The following PCDH7 variants were observed in gnomAD, a reference collection of about 807,000 sequenced individuals.
PCDH7 encodes protocadherin-7.
A neutral mutation model predicts 58.9 loss-of-function variants in PCDH7; 17 were observed. That is an observed-to-expected ratio of 0.29 (90% confidence interval 0.20 to 0.43). The LOEUF (loss-of-function observed/expected upper bound fraction) is 0.43. Among genes scored for constraint, PCDH7 ranks in the 20% least tolerant of loss-of-function variants. The pLI, the probability that PCDH7 is intolerant of heterozygous loss-of-function variation, is 1.00. For synonymous variants in PCDH7, 664 were observed against 616.4 expected, an observed-to-expected ratio of 1.08 and a Z score of -1.14; for missense variants, 1,274 against 1,441.0, an observed-to-expected ratio of 0.88 and a Z score of 1.88.
At chr4:30,843,147 G>A (rs539898407) in intron 1 of PCDH7, among the ~76,000 whole-genome samples, 6 of 150,650 alleles carry the variant, frequency 4.0e-5, no homozygotes, top group African/African-American at 7.3e-5. Context: ...TTATTTCTAC[G>A]AATCTTTTTT....
chr4:31,134,153 A>T (rs562524410), intron 3 of PCDH7, among the ~76,000 whole-genome samples: 2 of 152,250 alleles, frequency 1.3e-5, no homozygotes, highest in Non-Finnish European at 2.9e-5. Context: ...ATTATCCATG[A>T]TGAGGAGATA....
intron 1 of PCDH7, chr4:30,725,248 T>C: frequency 1.0e-6 from 1 of 993,146 alleles, no homozygotes; most frequent in Non-Finnish European, 1.2e-6. Flanking sequence ...ACAATTAGTG[T>C]TCTATAATGA....
At chr4:30,818,692 AAT>A (rs1727992003) in intron 1 of PCDH7, among the ~76,000 whole-genome samples, 1 of 152,194 alleles carries the variant, frequency 6.6e-6, no homozygotes. Context: ...CTGTTTTTCC[AAT>A]ATATGCAGCT....
chr4:30,798,640 T>A (rs2109304499), intron 1 of PCDH7, among the ~76,000 whole-genome samples: 1 of 152,312 alleles, frequency 6.6e-6, no homozygotes, highest in East Asian at 1.9e-4. Flanking sequence ...TATAAATTTT[T>A]AAAAATTACT....
chr4:30,723,277 C>T lies in PCDH7; in HGVS notation c.1855C>T (p.Leu619=), dbSNP rs1319395848. The T allele has an allele frequency of 1.2e-6, 2 of 1,614,080 alleles. No individual in the cohort carries two copies. The highest frequency in any genetic ancestry group is 8.5e-7 in the Non-Finnish European group (1 of 1,180,052). Residue 619 remains leucine (L), a synonymous_variant, in exon 1 of 2, where the codon CTG becomes TTG. Coordinates refer to ENST00000361762, the Ensembl canonical transcript of PCDH7. The surrounding 1 kb of genome is among the most constrained non-coding windows in gnomAD (Gnocchi z 4.6). ...CGCCAAAGACAAAGGCATCCCCGTGCTGCAGGGCAGCACTACGGTGATTGT... is the reference window on the plus strand; with the variant it reads ...CGCCAAAGACAAAGGCATCCCCGTGTTGCAGGGCAGCACTACGGTGATTGT...
chr4:30,836,951 G>A (rs1229133082), intron 1 of PCDH7, among the ~76,000 whole-genome samples: 2 of 152,108 alleles, frequency 1.3e-5, no homozygotes, highest in Non-Finnish European at 2.9e-5. Flanking sequence ...CAGCACAGTA[G>A]GACAGTTGAG....
rs150397668 is a variant in PCDH7 at position 30,994,105 on chromosome 4, T to A, written c.*7+43890T>A. 4.5e-3 allele frequency among the ~76,000 whole-genome samples: 683 copies of A among 152,274 alleles called. 5 individuals carry two copies. Among genetic ancestry groups the A allele is most frequent in the Non-Finnish European group, 4.1e-3 (281 of 68,014 alleles). Reference sequence around the variant, plus strand: ...GTGGGCATCCTACTAACTGCTTAGGTTGGAATAAAAACCTTCAGAAACATT... The same window carrying A: ...GTGGGCATCCTACTAACTGCTTAGGATGGAATAAAAACCTTCAGAAACATT... On this transcript the variant is annotated intron_variant, in intron 3 of 3. Coordinates refer to the PCDH7 transcript ENST00000509759.
chr4:30,934,823 A>C (rs1269808064), intron 2 of PCDH7, among the ~76,000 whole-genome samples: 1 of 152,106 alleles, frequency 6.6e-6, no homozygotes, highest in Non-Finnish European at 1.5e-5. Flanking sequence ...TAACATGTAC[A>C]TTTGCAAAGA....
chr4:31,031,576 T>C (rs1754920066), intron 3 of PCDH7, among the ~76,000 whole-genome samples: 1 of 152,212 alleles, frequency 6.6e-6, no homozygotes, highest in Non-Finnish European at 1.5e-5. Context: ...GATTAAAGAA[T>C]TGTATTTTCT....
intron 1 of PCDH7, among the ~76,000 whole-genome samples, chr4:30,908,240 T>TAAC (rs1318525187): frequency 2.3e-5 from 1 of 42,952 alleles, no homozygotes; most frequent in Non-Finnish European, 4.2e-5. Context: ...ACTTAAAGAA[T>TAAC]AATAAAAAAA....
chr4:30,835,370 C>T (rs1193972149), intron 1 of PCDH7, among the ~76,000 whole-genome samples: 2 of 152,100 alleles, frequency 1.3e-5, no homozygotes, highest in Admixed American at 6.6e-5. Context: ...AGTGTGAAAC[C>T]TATTGTGAAC....
intron 3 of PCDH7, among the ~76,000 whole-genome samples, chr4:30,998,542 A>T (rs1045425721): frequency 6.6e-5 from 10 of 152,088 alleles, no homozygotes; most frequent in African/African-American, 2.4e-4. Flanking sequence ...AGAAGAATTG[A>T]CATCACCTGG....
chr4:31,009,764 C>A (rs1003358740), intron 3 of PCDH7, among the ~76,000 whole-genome samples: 2 of 151,862 alleles, frequency 1.3e-5, no homozygotes, highest in African/African-American at 2.4e-5. Flanking sequence ...TGTACTAAAA[C>A]AAACCCCACC....
chr4:31,117,937 A>C (rs1355285436), intron 3 of PCDH7, among the ~76,000 whole-genome samples: 1 of 152,128 alleles, frequency 6.6e-6, no homozygotes, highest in East Asian at 1.9e-4. Context: ...ATTTGTTTTT[A>C]TCACTCCTGG....
At chr4:31,048,610 CA>C (rs1756478493) in intron 3 of PCDH7, among the ~76,000 whole-genome samples, 1 of 151,890 alleles carries the variant, frequency 6.6e-6, no homozygotes, top group African/African-American at 2.4e-5. Flanking sequence ...GGGATGCCCA[CA>C]AAAGTCCTTG....
At chr4:30,950,116 C>T (rs1380206675) in intron 2 of PCDH7, 1 of 152,554 alleles carries the variant, frequency 6.6e-6, no homozygotes, top group East Asian at 1.9e-4. Context: ...TCTCCCTTCC[C>T]CAGGTGTTGC....
intron 1 of PCDH7, among the ~76,000 whole-genome samples, chr4:30,812,315 G>A (rs560168192): frequency 1.3e-5 from 2 of 152,112 alleles, no homozygotes; most frequent in South Asian, 2.1e-4. Context: ...ACCAATATTT[G>A]TTTTATTGTT....
At chr4:30,774,882 T>C (rs1721868832) in intron 1 of PCDH7, among the ~76,000 whole-genome samples, 1 of 152,254 alleles carries the variant, frequency 6.6e-6, no homozygotes, top group Non-Finnish European at 1.5e-5. Context: ...TTACAAGTTA[T>C]AATACATACC....
At chr4:30,993,596 C>T (rs1395979226) in intron 3 of PCDH7, among the ~76,000 whole-genome samples, 1 of 152,104 alleles carries the variant, frequency 6.6e-6, no homozygotes, top group Non-Finnish European at 1.5e-5. Context: ...ATTAGATACG[C>T]TGTCATTTTA....
Sources: allele counts gnomAD v4.1 joint callset (sites outside exome capture counted in the v4.1 genomes callset), GRCh38; gene constraint gnomAD v4.1.1; non-coding constraint Gnocchi (gnomAD v3.1); transcripts MANE v1.5; gene names NCBI Gene and HGNC (gene_info 2026-07-23, HGNC 2026-07-21).